The following SGPL1 variants were observed in gnomAD, a reference collection of about 807,000 sequenced individuals.
SGPL1 encodes sphingosine-1-phosphate lyase 1, also known as SP-lyase 1.
In SGPL1, 37 loss-of-function variants were observed where a neutral mutation model predicts 68.9. The observed-to-expected ratio is 0.54, with a 90% CI of 0.41 to 0.71. The LOEUF is 0.71. SGPL1 is among the 30% of genes least tolerant of loss of function. The pLI is 0.00. For synonymous variants in SGPL1, 236 were observed against 248.5 expected (o/e 0.95, Z 0.47); for missense variants, 551 against 704.6 (o/e 0.78, Z 2.47).
intron 7 of SGPL1, among the ~76,000 whole-genome samples, chr10:70,861,814 C>A (rs1846062382): frequency 6.6e-6 from 1 of 152,208 alleles, no homozygotes; most frequent in Admixed American, 6.5e-5. Context: ...GGTTCTAGGT[C>A]CCCCAGTAGT....
At chr10:70,865,114 GA>G (rs1846157545) in intron 7 of SGPL1, among the ~76,000 whole-genome samples, 3 of 152,122 alleles carry the variant, frequency 2.0e-5, no homozygotes, top group Admixed American at 2.0e-4. Flanking sequence ...GGGTATAAAG[GA>G]AAATTCTCAG....
At chr10:70,850,338 T>A (rs561361741) in intron 3 of SGPL1, among the ~76,000 whole-genome samples, 1 of 152,238 alleles carries the variant, frequency 6.6e-6, no homozygotes, top group African/African-American at 2.4e-5. Flanking sequence ...TTGAGGGCAT[T>A]TGTAGGTCCA....
At chr10:70,845,356 C>T (rs77601220) in intron 3 of SGPL1, among the ~76,000 whole-genome samples, 10,638 of 152,184 alleles carry the variant, frequency 0.07, 488 homozygotes, top group African/African-American at 0.1. Flanking sequence ...ACAGCACTTA[C>T]ATGGTGACCA....
intron 3 of SGPL1, 72 bp from the exon 4 acceptor site, chr10:70,851,071 T>C: frequency 7.6e-6 from 9 of 1,190,794 alleles, no homozygotes; most frequent in South Asian, 2.5e-5. Flanking sequence ...GAAGACACAT[T>C]GAATGGTTGC....
intron 8 of SGPL1, 58 bp from the exon 9 acceptor site, chr10:70,869,734 T>G: frequency 8.0e-7 from 1 of 1,246,260 alleles, no homozygotes; most frequent in Non-Finnish European, 1.2e-6. Flanking sequence ...TAGCTGCTAA[T>G]GGTGTTTTCT....
rs79021474 is a variant in SGPL1, at chr10:70,857,008, G to A, written c.410-606G>A. Among the ~76,000 whole-genome samples, 722 of 152,330 alleles carry A rather than the reference G, an allele frequency of 4.7e-3. 5 individuals are homozygous for A. Among genetic ancestry groups the A allele is most frequent in the African/African-American group, 0.016 (648 of 41,568 alleles). On this transcript the variant is annotated intron_variant, in intron 5 of 14. Coordinates refer to ENST00000373202, the MANE Select transcript of SGPL1 (RefSeq NM_003901.4). ...TTCCTGATCTTGAATATGCTACAGC[G>A]TGTGCTGCTGGAAGCAGGTAACTAG...
chr10:70,864,046 T>TA (rs1267489525), intron 7 of SGPL1, among the ~76,000 whole-genome samples: 2 of 151,186 alleles, frequency 1.3e-5, no homozygotes, highest in Non-Finnish European at 2.9e-5. Flanking sequence ...CAAGTTTCTT[T>TA]ATGTTAGGTT....
intron 11 of SGPL1, among the ~76,000 whole-genome samples, chr10:70,872,427 C>T (rs1266503362): frequency 2.0e-5 from 3 of 152,124 alleles, no homozygotes; most frequent in Non-Finnish European, 2.9e-5. Context: ...AAAATGTTGA[C>T]GGAAGAGTCC....
At chr10:70,828,188 C>T (rs1845469250) in intron 2 of SGPL1, among the ~76,000 whole-genome samples, 1 of 151,612 alleles carries the variant, frequency 6.6e-6, no homozygotes, top group African/African-American at 2.4e-5. Flanking sequence ...TTTACGCTAC[C>T]AGAGTTTTAA....
At chr10:70,873,188 A>G (rs1665149849) in intron 11 of SGPL1, among the ~76,000 whole-genome samples, 163 bp from the exon 12 acceptor site, 1 of 152,216 alleles carries the variant, frequency 6.6e-6, no homozygotes, top group Admixed American at 6.5e-5. Context: ...TTAAGTTCCT[A>G]CTATCCTTTA....
At chr10:70,861,404 G>C (rs188186485) in intron 7 of SGPL1, among the ~76,000 whole-genome samples, 23 of 152,164 alleles carry the variant, frequency 1.5e-4, no homozygotes, top group African/African-American at 4.6e-4. Context: ...GGGGCAGTTG[G>C]GGGTAGATGA....
At position 70,844,616 on chromosome 10, in the gene SGPL1, T is replaced by A; in HGVS notation, c.171T>A (p.Tyr57Ter). 1.9e-6 allele frequency: 3 copies of A among 1,614,076 alleles called. No homozygotes were observed. The highest frequency in any genetic ancestry group is 2.5e-6 in the Non-Finnish European group (3 of 1,179,992). The change falls in exon 3 of 15, where the codon TAT becomes TAA. Residue 57 changes from tyrosine to a stop codon, truncating the protein, a stop_gained. Coordinates refer to ENST00000373202, the MANE Select transcript of SGPL1 (RefSeq NM_003901.4). LOFTEE classifies it high-confidence loss of function. Reference protein sequence around the residue: ...VVWTLLIVWGYEFVFQPESLW... With the variant: ...VVWTLLIVWG The stretch of plus-strand genomic sequence containing the variant: ...GGACCCTGCTGATAGTCTGGGGATA[T>A]GAGTTTGTCTTCCAGCCAGAGAGTA...
rs1361601404 is a variant in SGPL1, at chr10:70,876,537, C to G, written c.1446-4C>G. On this transcript the variant is annotated splice_polypyrimidine_tract_variant and splice_region_variant and intron_variant, in intron 13 of 14. Coordinates refer to ENST00000373202, the MANE Select transcript of SGPL1 (RefSeq NM_003901.4). ...TTCATCTCTCTCTGTCTCTTCTTTCCTAGTATTCATTTCTGCATCACATTA... is the reference window on the plus strand; with the variant it reads ...TTCATCTCTCTCTGTCTCTTCTTTCGTAGTATTCATTTCTGCATCACATTA... 2 of 1,608,214 alleles carry G rather than the reference C, an allele frequency of 1.2e-6. No homozygotes were observed. Among genetic ancestry groups the G allele is most frequent in the Non-Finnish European group, 1.7e-6 (2 of 1,178,004 alleles).
intron 2 of SGPL1, among the ~76,000 whole-genome samples, chr10:70,827,909 G>A (rs1845463874): frequency 6.6e-6 from 1 of 152,126 alleles, no homozygotes; most frequent in South Asian, 2.1e-4. Flanking sequence ...TCTTTTGTGA[G>A]TGGCCTTTTT....
chr10:70,877,565 T>C lies in SGPL1; in HGVS notation c.*230T>C. The C allele has an allele frequency of 4.1e-6, 2 of 485,124 alleles. No homozygotes were observed. Among genetic ancestry groups the C allele is most frequent in the Non-Finnish European group, 7.4e-6 (2 of 270,880 alleles). The allele number at this position is 485,124 out of a possible 1,614,324, so 30.1% of individuals were successfully genotyped here. A position where few individuals can be genotyped will look rare whatever the true frequency, so the allele number is the denominator to read the frequency against. ...CATTACATAATGATTTTGCCCTTGT[T>C]ATAAATGTTACCCTAGGAATTGTTT... On this transcript the variant is annotated 3_prime_UTR_variant, in exon 15 of 15. Transcript: ENST00000373202.
At chr10:70,833,357 G>C (rs1168419750) in intron 2 of SGPL1, among the ~76,000 whole-genome samples, 1 of 152,202 alleles carries the variant, frequency 6.6e-6, no homozygotes, top group East Asian at 1.9e-4. Flanking sequence ...TTTGGGGGAA[G>C]TATGTGGTTT....
At position 70,880,908 on chromosome 10, in the gene SGPL1, C is replaced by T. The variant is rs78827591; in HGVS notation, c.*3573C>T. ...GCTGCTCCATACAGCTGTACGTCAG[C>T]CCCTTGGCCTTCTCTGTAGGTTCTT... On this transcript the variant is annotated 3_prime_UTR_variant, in exon 15 of 15. Transcript: ENST00000373202. The T allele has an allele frequency of 5.8e-4, 89 of 152,220 alleles. No homozygotes were observed. The highest frequency in any genetic ancestry group is 2.0e-3 in the African/African-American group (83 of 41,514). 9.4% of individuals were successfully genotyped at this position (152,220 alleles called of 1,614,324 possible). A position where few individuals can be genotyped will look rare whatever the true frequency, so the allele number is the denominator to read the frequency against.
At position 70,826,010 on chromosome 10, in the gene SGPL1, G is replaced by A. The variant is rs188584287; in HGVS notation, c.27+9130G>A. On this transcript the variant is annotated intron_variant, in intron 2 of 14. Coordinates refer to ENST00000373202, the MANE Select transcript of SGPL1 (RefSeq NM_003901.4). ...AGCCTGGGCAATGTGGTGAAACCCC[G>A]TCTTTACTAAAAATACAAAAATTAG... Among the ~76,000 whole-genome samples, 11 of 152,240 alleles carry A rather than the reference G, an allele frequency of 7.2e-5. No individual in the cohort carries two copies. The East Asian group carries it at 1.5e-3, about 21-fold the overall frequency.
At chr10:70,863,170 A>G (rs537708955) in intron 7 of SGPL1, among the ~76,000 whole-genome samples, 1 of 151,876 alleles carries the variant, frequency 6.6e-6, no homozygotes. Context: ...TATTTTTAGT[A>G]GAGATGGGGT....
Sources: allele counts gnomAD v4.1 joint callset (sites outside exome capture counted in the v4.1 genomes callset), GRCh38; gene constraint gnomAD v4.1.1; transcripts MANE v1.5; gene names NCBI Gene and HGNC (gene_info 2026-07-23, HGNC 2026-07-21).